HHATL: variants seen among roughly 807,000 people sequenced by gnomAD.
The protein encoded by HHATL is hedgehog acyltransferase like, also known as protein-cysteine N-palmitoyltransferase HHAT-like protein.
A neutral mutation model predicts 59.7 loss-of-function variants in HHATL; 49 were observed. The ratio of observed to expected loss-of-function variants is 0.82; its 90% CI spans 0.65 to 1.04. The LOEUF (loss-of-function observed/expected upper bound fraction) is 1.04, where lower values mean the gene tolerates loss of function less well. HHATL is among the 50% of genes least tolerant of loss of function. The pLI, the probability that HHATL is intolerant of heterozygous loss-of-function variation, is 0.00. For missense variants in HHATL, 605 were observed against 650.8 expected (o/e 0.93, Z 0.77); for synonymous variants, 238 against 257.3 (o/e 0.93, Z 0.72).
chr3:42,694,487 G>A (rs1275885582), intron 9 of HHATL, among the ~76,000 whole-genome samples: 1 of 152,232 alleles, frequency 6.6e-6, no homozygotes, highest in East Asian at 1.9e-4. Context: ...TCTTTTAAGA[G>A]TGTAGCTCAG....
chr3:42,700,640 T>A, intron 2 of HHATL, 81 bp downstream of exon 2: 1 of 891,590 alleles, frequency 1.1e-6, no homozygotes, highest in South Asian at 1.5e-5. Flanking sequence ...AGCCTGTAAC[T>A]TTCTGGCTTT....
rs115396772 is a variant in HHATL, at chr3:42,702,366, G to A, written c.-14+213C>T. On this transcript the variant is annotated intron_variant, in intron 1 of 11. Transcript: ENST00000441594. ...GTGTCCCCAGTGAGGCCTCTGCAAG[G>A]AGCTGGCCCCCAGCCTGGGGCCTCT... Among the ~76,000 whole-genome samples, 878 of 152,368 alleles carry A rather than the reference G, an allele frequency of 5.8e-3. 14 individuals are homozygous for A. Among genetic ancestry groups the A allele is most frequent in the South Asian group, 0.024 (116 of 4,834 alleles).
chr3:42,697,413 T>C, intron 7 of HHATL, 95 bp downstream of exon 7: 3 of 1,388,586 alleles, frequency 2.2e-6, no homozygotes, highest in South Asian at 1.3e-5. Flanking sequence ...GTGCCCTGCG[T>C]GCCTCAGCTC....
intron 6 of HHATL, 125 bp from the exon 7 acceptor site, chr3:42,697,804 G>A (rs769371200): frequency 5.8e-6 from 6 of 1,035,760 alleles, no homozygotes; most frequent in African/African-American, 3.2e-5. Flanking sequence ...CTGCCTGAGG[G>A]TGGAGACAGA....
chr3:42,693,255 A>G (rs189346366), intron 10 of HHATL, 37 bp from the exon 11 acceptor site: 2 of 1,609,214 alleles, frequency 1.2e-6, no homozygotes, highest in Non-Finnish European at 1.7e-6. Context: ...GCGGGACAAG[A>G]GGCCAAAGGA....
Position 42,698,229 on chromosome 3 carries a change from G to A in HHATL, c.606C>T (p.Tyr202=). ...TGTACTTGAGCAGGTCAGCTAAGGA[G>A]TAGTGGCGGTCAGGGTGGGCACAGC... ...LESCAHPDRH[Y]SLADLLKYNF... Residue 202 remains tyrosine (Y), a synonymous_variant, in exon 6 of 12, where the codon TAC becomes TAT. Transcript: ENST00000441594. 1 of 1,614,234 alleles carries A rather than the reference G, an allele frequency of 6.2e-7. No homozygotes were observed. The highest frequency in any genetic ancestry group is 1.6e-4 in the Middle Eastern group (1 of 6,062).
intron 9 of HHATL, chr3:42,694,020 T>G: frequency 1.7e-6 from 1 of 593,106 alleles, no homozygotes. Flanking sequence ...TCTCTATCTC[T>G]GTTCGTTTAC....
At chr3:42,697,478 C>T (rs879008418) in intron 7 of HHATL, 30 bp downstream of exon 7, 1 of 1,601,582 alleles carries the variant, frequency 6.2e-7, no homozygotes, top group Non-Finnish European at 8.5e-7. Flanking sequence ...GGGCGGCAGC[C>T]CTGCCCCCAT....
In HHATL at chr3:42,693,167, T is replaced by C. The variant is rs1208547863; in HGVS notation, c.1300A>G (p.Met434Val). The C allele has an allele frequency of 3.1e-6, 5 of 1,614,162 alleles. No individual in the cohort carries two copies. Among genetic ancestry groups the C allele is most frequent in the Non-Finnish European group, 4.2e-6 (5 of 1,180,030 alleles). Residue 434 changes from methionine to valine, a missense_variant, in exon 11 of 12, where the codon ATG becomes GTG. Met to Val is a conservative substitution (Grantham distance 21). Transcript: ENST00000441594. ...TACATGATGATGGCCCAGAAGTTCA[T>C]GGCTCCAAACAGGGCCCGGACCCTA... ...SRRVRALFGAMNFWAIIMYNL... is the reference protein window; with the variant it reads ...SRRVRALFGAVNFWAIIMYNL...
In HHATL at chr3:42,697,071, C is replaced by A. The variant is rs1475397539; in HGVS notation, c.940G>T (p.Ala314Ser). The change falls in exon 8 of 12, where the codon GCA (alanine) becomes TCA (serine). Residue 314 changes from alanine to serine, a missense_variant. Transcript: ENST00000441594. ...AVLFGVVNTVACLDHLDPPQP... is the reference protein window; with the variant it reads ...AVLFGVVNTVSCLDHLDPPQP... ...GGTGGGTCCAGGTGGTCGAGGCATGCCACAGTGTTGACAACACCAAAGAGG... is the reference window on the plus strand; with the variant it reads ...GGTGGGTCCAGGTGGTCGAGGCATGACACAGTGTTGACAACACCAAAGAGG... 1 of 1,586,944 alleles carries A rather than the reference C, an allele frequency of 6.3e-7. No individual in the cohort carries two copies. The highest frequency in any genetic ancestry group is 1.2e-5 in the South Asian group (1 of 85,942).
intron 5 of HHATL, 34 bp from the exon 6 acceptor site, chr3:42,698,385 AG>A: frequency 6.3e-7 from 1 of 1,586,490 alleles, no homozygotes. Flanking sequence ...CCAGCTCACT[AG>A]GGTGCCTCCT....
At position 42,698,825 on chromosome 3, in the gene HHATL, C is replaced by G. The variant is rs1322044791; in HGVS notation, c.366G>C (p.Leu122=). 1 of 1,610,138 alleles carries G rather than the reference C, an allele frequency of 6.2e-7. No individual in the cohort carries two copies. The highest frequency in any genetic ancestry group is 2.2e-5 in the East Asian group (1 of 44,710). ...GTMGPWYLLL[L]LGHCVGLYVA... ...CATAGAGGCCCACACAGTGACCAAG[C>G]AGCAGCAGCAGGTACCAAGGGCCCA... The change falls in exon 5 of 12, where the codon CTG becomes CTC. Residue 122 remains leucine, a synonymous_variant. Transcript: ENST00000441594.
rs774042851 is a variant in HHATL at position 42,698,823 on chromosome 3, A to C, written c.368T>G (p.Leu123Arg). The C allele has an allele frequency of 3.1e-6, 5 of 1,610,396 alleles. No individual in the cohort carries two copies. In the African/African-American group the frequency reaches 5.3e-5, roughly 17 times the overall value. The change falls in exon 5 of 12, where the codon CTT becomes CGT. Residue 123 changes from leucine to arginine, a missense_variant. Transcript: ENST00000441594. The part of the protein sequence containing the change: ...TMGPWYLLLL[L>R]GHCVGLYVAS... Reference sequence around the variant, plus strand: ...CACATAGAGGCCCACACAGTGACCAAGCAGCAGCAGCAGGTACCAAGGGCC... The same window carrying C: ...CACATAGAGGCCCACACAGTGACCACGCAGCAGCAGCAGGTACCAAGGGCC...
chr3:42,693,207 T>C lies in HHATL; in HGVS notation c.1260A>G (p.Ser420=), dbSNP rs762867804. 11 of 1,613,930 alleles carry C rather than the reference T, an allele frequency of 6.8e-6. No individual in the cohort carries two copies. The highest frequency in any genetic ancestry group is 2.7e-5 in the African/African-American group (2 of 74,894). ...CCCGGACCCTACGGGACATCTGCAC[T>C]GACAGAGAGGCCTATCCGGTCCAGG... ...GPLARIEASL[S]VQMSRRVRAL... is the part of the protein sequence containing the mutation. The change falls in exon 11 of 12, where the codon TCA becomes TCG. Residue 420 remains serine (S), a synonymous_variant. Coordinates refer to ENST00000441594, the MANE Select transcript of HHATL (RefSeq NM_020707.4).
In HHATL at chr3:42,701,094, G is replaced by A. The variant is rs1484677770; in HGVS notation, c.-13-255C>T. On this transcript the variant is annotated intron_variant, in intron 1 of 11. Coordinates refer to ENST00000441594, the MANE Select transcript of HHATL (RefSeq NM_020707.4). This position sits in a 1 kb window ranked among gnomAD's most constrained non-coding sequence, Gnocchi z 5.1. Reference sequence around the variant, plus strand: ...GCTCTTGCCCGCAGAGCCCTCACTCGCAGCCTGCCTCCCTCACCTTCATTT... The same window carrying A: ...GCTCTTGCCCGCAGAGCCCTCACTCACAGCCTGCCTCCCTCACCTTCATTT... The A allele has an allele frequency of 4.5e-5, 21 of 463,688 alleles. No homozygotes were observed. Among genetic ancestry groups the A allele is most frequent in the African/African-American group, 2.3e-4 (12 of 51,206 alleles). The allele number at this position is 463,688 out of a possible 1,614,324, so 28.7% of individuals were successfully genotyped here.
At chr3:42,700,925 A>G in intron 1 of HHATL, 86 bp from the exon 2 acceptor site, 1 of 853,536 alleles carries the variant, frequency 1.2e-6, no homozygotes, top group Admixed American at 2.2e-5. Context: ...GTGGGGACCC[A>G]CTCTGAAGAG....
chr3:42,692,874 C>G lies in HHATL; in HGVS notation c.1392G>C (p.Gly464=), dbSNP rs1407036034. The part of the protein sequence containing the change: ...ELVARRLLLT[G]FPQTTLSILF... ...GGATGGACAGCGTGGTCTGGGGGAACCCTGTGTGGGGAGGGAGTCATAGAT... is the reference window on the plus strand; with the variant it reads ...GGATGGACAGCGTGGTCTGGGGGAAGCCTGTGTGGGGAGGGAGTCATAGAT... Residue 464 remains glycine (G), a splice_region_variant and synonymous_variant, in exon 12 of 12, where the codon GGG becomes GGC. Coordinates refer to ENST00000441594, the MANE Select transcript of HHATL (RefSeq NM_020707.4). 1 of 1,614,152 alleles carries G rather than the reference C, an allele frequency of 6.2e-7. No homozygotes were observed. Among genetic ancestry groups the G allele is most frequent in the Non-Finnish European group, 8.5e-7 (1 of 1,179,972 alleles).
At position 42,694,841 on chromosome 3, in the gene HHATL, C is replaced by T. The variant is rs1213242961; in HGVS notation, c.1047-1023G>A. 3.3e-5 allele frequency among the ~76,000 whole-genome samples: 5 copies of T among 152,194 alleles called. No homozygotes were observed. The East Asian group carries it at 5.8e-4, about 18-fold the overall frequency. Reference sequence around the variant, plus strand: ...ACTAAAGAAGCTTCTACCCTGTTGTCAACTTCTATCCCATTGCAATTTTAT... The same window carrying T: ...ACTAAAGAAGCTTCTACCCTGTTGTTAACTTCTATCCCATTGCAATTTTAT... On this transcript the variant is annotated intron_variant, in intron 9 of 11. Coordinates refer to ENST00000441594, the MANE Select transcript of HHATL (RefSeq NM_020707.4).
intron 3 of HHATL, among the ~76,000 whole-genome samples, chr3:42,699,393 C>T (rs1242407242): frequency 4.6e-5 from 7 of 152,130 alleles, no homozygotes; most frequent in Admixed American, 1.3e-4. Context: ...AAGGAAGTAC[C>T]GAGGCAGGAG....
Sources: allele counts gnomAD v4.1 joint callset (sites outside exome capture counted in the v4.1 genomes callset), GRCh38; gene constraint gnomAD v4.1.1; non-coding constraint Gnocchi (gnomAD v3.1); transcripts MANE v1.5; gene names NCBI Gene and HGNC (gene_info 2026-07-23, HGNC 2026-07-21).